PHEX: variants seen among roughly 807,000 people sequenced by gnomAD.
PHEX encodes phosphate regulating endopeptidase X-linked.
In PHEX, 16 loss-of-function variants were observed where a neutral mutation model predicts 68.0. That is an observed-to-expected ratio of 0.24 (90% CI 0.16 to 0.36). The LOEUF (loss-of-function observed/expected upper bound fraction) is 0.36, where lower values mean the gene tolerates loss of function less well. PHEX is among the 10% of genes least tolerant of loss of function. The pLI is 1.00. For synonymous variants in PHEX, 208 were observed against 205.1 expected, an observed-to-expected ratio of 1.01 and a Z score of -0.12; for missense variants, 480 against 575.5, an observed-to-expected ratio of 0.83 and a Z score of 1.70.
At chrX:22,140,914 G>A (rs990627054) in intron 12 of PHEX, among the ~76,000 whole-genome samples, 1 of 103,821 alleles carries the variant, frequency 9.6e-6, no homozygotes, top group Non-Finnish European at 1.9e-5. Context: ...TATGAGGTAG[G>A]TACTTTTTTT....
chrX:22,050,091 G>A (rs1300582271), intron 3 of PHEX, among the ~76,000 whole-genome samples: 1 of 112,130 alleles, frequency 8.9e-6, no homozygotes, highest in African/African-American at 3.2e-5. Flanking sequence ...TCGAATAGTT[G>A]CAATGGAAAC....
intron 16 of PHEX, among the ~76,000 whole-genome samples, chrX:22,215,911 A>T (rs2147167224): frequency 8.9e-6 from 1 of 111,900 alleles, no homozygotes; most frequent in East Asian, 2.8e-4. Flanking sequence ...AGGAAAGTTA[A>T]GGTGGTAGAA....
chrX:22,214,576 G>T (rs1318341256), intron 16 of PHEX, among the ~76,000 whole-genome samples: 17 of 111,728 alleles, frequency 1.5e-4, no homozygotes, highest in Non-Finnish European at 2.6e-4. Context: ...CCATCTCAGG[G>T]ACATGGGAGC....
chrX:22,222,303 A>T (rs765151823), intron 18 of PHEX, among the ~76,000 whole-genome samples: 1 of 112,022 alleles, frequency 8.9e-6, no homozygotes, highest in African/African-American at 3.2e-5. Context: ...AGGGGTTTTC[A>T]CACTGTGAAA....
intron 9 of PHEX, among the ~76,000 whole-genome samples, chrX:22,108,797 C>G (rs1018326467): frequency 2.7e-4 from 30 of 110,356 alleles, no homozygotes; most frequent in African/African-American, 8.2e-4. Flanking sequence ...TAGAAATTAG[C>G]CAGTCGTGGT....
At chrX:22,084,057 T>C (rs1001236951) in intron 5 of PHEX, among the ~76,000 whole-genome samples, 1 of 112,704 alleles carries the variant, frequency 8.9e-6, no homozygotes, top group Non-Finnish European at 1.9e-5. Context: ...TGTTGAATTT[T>C]ATTGAATGCT....
chrX:22,144,918 C>T (rs927675830), intron 12 of PHEX, among the ~76,000 whole-genome samples: 1 of 111,431 alleles, frequency 9.0e-6, no homozygotes, highest in East Asian at 2.8e-4. Flanking sequence ...TTTTAACAAT[C>T]TTGTTTTGCT....
Position 22,135,598 on chromosome X carries a change from G to C in PHEX, c.1404+1974G>C, listed in dbSNP as rs1291719918. Reference sequence around the variant, plus strand: ...AGTTCTTTGAGCAGTGTGGATTGCAGTTGCCTCAGGGAGCTCTTCTGAGTG... The same window carrying C: ...AGTTCTTTGAGCAGTGTGGATTGCACTTGCCTCAGGGAGCTCTTCTGAGTG... On this transcript the variant is annotated intron_variant, in intron 12 of 21. Coordinates refer to ENST00000379374, the MANE Select transcript of PHEX (RefSeq NM_000444.6). 2.7e-5 allele frequency among the ~76,000 whole-genome samples: 3 copies of C among 111,767 alleles called. No individual in the cohort carries two copies. The East Asian group carries it at 8.4e-4, about 31-fold the overall frequency.
intron 9 of PHEX, among the ~76,000 whole-genome samples, chrX:22,105,282 TCC>T (rs1454153135): frequency 3.6e-5 from 4 of 112,403 alleles, no homozygotes; most frequent in African/African-American, 1.3e-4. Context: ...ATTTAGGAAG[TCC>T]TAGTTGAGCT....
At chrX:22,061,033 G>A (rs901755006) in intron 3 of PHEX, among the ~76,000 whole-genome samples, 2 of 111,730 alleles carry the variant, frequency 1.8e-5, no homozygotes, top group African/African-American at 6.5e-5. Flanking sequence ...AACAATTCCT[G>A]AAGCTTCTCC....
At chrX:22,067,173 C>T (rs779917039) in intron 3 of PHEX, among the ~76,000 whole-genome samples, 10 of 109,060 alleles carry the variant, frequency 9.2e-5, no homozygotes, top group South Asian at 8.1e-4. Context: ...GCCCAAGAGG[C>T]GGAAGTTGCA....
At chrX:22,227,897 G>A (rs1388968921) in intron 20 of PHEX, among the ~76,000 whole-genome samples, 1 of 111,599 alleles carries the variant, frequency 9.0e-6, no homozygotes, top group Non-Finnish European at 1.9e-5. Flanking sequence ...TTCTTAATGT[G>A]TTTGATACTA....
chrX:22,202,391 G>C (rs1934585032), intron 15 of PHEX, among the ~76,000 whole-genome samples: 1 of 111,758 alleles, frequency 8.9e-6, no homozygotes, highest in Non-Finnish European at 1.9e-5. Context: ...TAAATTCCTA[G>C]AAGTGGAGGA....
intron 3 of PHEX, among the ~76,000 whole-genome samples, chrX:22,053,504 A>AT (rs1278755283): frequency 8.9e-6 from 1 of 111,841 alleles, no homozygotes; most frequent in African/African-American, 3.2e-5. Context: ...AAGAAGTGAG[A>AT]TTTTTTAAAA....
At chrX:22,201,818 T>C (rs948061123) in intron 15 of PHEX, among the ~76,000 whole-genome samples, 6 of 111,358 alleles carry the variant, frequency 5.4e-5, no homozygotes, top group Admixed American at 1.9e-4. Flanking sequence ...AGAGTCAACC[T>C]GATTAAAGAC....
intron 9 of PHEX, among the ~76,000 whole-genome samples, chrX:22,101,749 G>A (rs2147050269): frequency 9.0e-6 from 1 of 111,555 alleles, no homozygotes; most frequent in African/African-American, 3.3e-5. Context: ...ACTCAGTCTT[G>A]TGACTCATCT....
Position 22,242,956 on chromosome X carries a change from G to T in PHEX, c.2071-2377G>T, listed in dbSNP as rs769440291. Among the ~76,000 whole-genome samples the T allele has an allele frequency of 3.2e-4, 35 of 109,559 alleles. 1 individual carries two copies. The South Asian group carries it at 0.013, about 39-fold the overall frequency. On this transcript the variant is annotated intron_variant, in intron 20 of 21. Coordinates refer to ENST00000379374, the MANE Select transcript of PHEX (RefSeq NM_000444.6). The stretch of plus-strand genomic sequence containing the variant: ...TTTAAACTTCATATGGAACCAAAAA[G>T]GAGCCCATATAACCAAGACAGTCCT...
chrX:22,222,829 G>T (rs1472250520), intron 18 of PHEX, among the ~76,000 whole-genome samples: 1 of 111,895 alleles, frequency 8.9e-6, no homozygotes, highest in Non-Finnish European at 1.9e-5. Flanking sequence ...TACGTATGAG[G>T]TTCAAAGGAA....
chrX:22,104,868 TTTG>T (rs201418442), intron 9 of PHEX, among the ~76,000 whole-genome samples: 11,406 of 111,525 alleles, frequency 0.1, 882 homozygotes, highest in African/African-American at 0.27. Flanking sequence ...ACTGTTTTCT[TTTG>T]TTGTTGTTGT....
Sources: allele counts gnomAD v4.1 joint callset (sites outside exome capture counted in the v4.1 genomes callset), GRCh38; gene constraint gnomAD v4.1.1; transcripts MANE v1.5; gene names NCBI Gene and HGNC (gene_info 2026-07-23, HGNC 2026-07-21).